Variants in HSPB2 observed in about 807,000 individuals in gnomAD.
HSPB2 encodes heat shock protein family B (small) member 2.
HSPB2 carries 14 observed loss-of-function variants against 14.1 expected under a neutral mutation model. The ratio of observed to expected loss-of-function variants is 0.99; its 90% CI spans 0.66 to 1.55. The LOEUF (loss-of-function observed/expected upper bound fraction) is 1.55. Among genes scored for constraint, HSPB2 ranks in the 40% most tolerant of loss-of-function variants. The probability of loss-of-function intolerance (pLI) is 0.00; values close to 1 mark genes in which losing one functional copy is unlikely to be tolerated. For synonymous variants in HSPB2, 110 were observed against 103.4 expected, an observed-to-expected ratio of 1.06 and a Z score of -0.39; for missense variants, 242 against 241.7, an observed-to-expected ratio of 1.00 and a Z score of -0.01.
chr11:111,913,489 A>G lies in HSPB2; in HGVS notation c.143A>G (p.Tyr48Cys), dbSNP rs782583689. The G allele has an allele frequency of 1.4e-5, 22 of 1,612,900 alleles. No homozygotes were observed. The highest frequency in any genetic ancestry group is 4.0e-5 in the African/African-American group (3 of 74,854). Residue 48 changes from tyrosine to cysteine, a missense_variant, in exon 2 of 2, where the codon TAT (tyrosine) becomes TGT (cysteine). Tyr to Cys is a radical substitution (Grantham distance 194). Transcript: ENST00000304298. ...ACCCCCACACTCTACCATGGCTACT[A>G]TGTCCGGCCTCGGGCCGCCCCAGCT... is the stretch of plus-strand genomic sequence containing the variant. ...ILTPTLYHGYYVRPRAAPAGE... is the reference protein window; with the variant it reads ...ILTPTLYHGYCVRPRAAPAGE...
In HSPB2 at chr11:111,913,748, T is replaced by A. The variant is rs143022702; in HGVS notation, c.402T>A (p.Ala134=). 63 of 1,614,034 alleles carry A rather than the reference T, an allele frequency of 3.9e-5. No individual in the cohort carries two copies. The highest frequency in any genetic ancestry group is 5.2e-5 in the Non-Finnish European group (61 of 1,180,046). The change falls in exon 2 of 2, where the codon GCT becomes GCA. Residue 134 remains alanine, a synonymous_variant. Transcript: ENST00000304298. ...PADVDPWRVR[A]ALSHDGILNL... ...ATGTCGACCCCTGGCGAGTCCGAGC[T>A]GCTCTCTCCCATGATGGCATCTTAA...
In HSPB2 at chr11:111,913,847, G is replaced by A. The variant is rs375687384; in HGVS notation, c.501G>A (p.Ala167=). 1.5e-5 allele frequency: 24 copies of A among 1,613,426 alleles called. No homozygotes were observed. Among genetic ancestry groups the A allele is most frequent in the Middle Eastern group, 3.3e-4 (2 of 6,082 alleles). Residue 167 remains alanine (A), a synonymous_variant, in exon 2 of 2, where the codon GCG becomes GCA. Coordinates refer to ENST00000304298, the MANE Select transcript of HSPB2 (RefSeq NM_001541.4). ...AGGTCTACATCTCCCTGCTCCCTGC[G>A]CCTCCTGATCCAGAGGAAGAGGAGG... ...VNEVYISLLP[A]PPDPEEEEEA... is the part of the protein sequence containing the mutation.
Position 111,912,887 on chromosome 11 carries a change from A to G in HSPB2, c.58A>G (p.Asn20Asp). The change falls in exon 1 of 2, where the codon AAC (asparagine) becomes GAC (aspartate). Residue 20 changes from asparagine to aspartate, a missense_variant. Asn to Asp is a conservative substitution (Grantham distance 23). Coordinates refer to ENST00000304298, the MANE Select transcript of HSPB2 (RefSeq NM_001541.4). The stretch of plus-strand genomic sequence containing the variant: ...GGCCACCGCCGAGTACGAATTTGCC[A>G]ACCCGAGCCGCCTGGGTGAGCAGCG... ...HPATAEYEFA[N>D]PSRLGEQRFG... The G allele has an allele frequency of 6.2e-7, 1 of 1,609,630 alleles. No homozygotes were observed. Among genetic ancestry groups the G allele is most frequent in the East Asian group, 2.2e-5 (1 of 44,748 alleles).
chr11:111,912,924 G>A lies in HSPB2; in HGVS notation c.94+1G>A. The A allele has an allele frequency of 1.3e-6, 2 of 1,597,334 alleles. No individual in the cohort carries two copies. Among genetic ancestry groups the A allele is most frequent in the East Asian group, 2.3e-5 (1 of 44,208 alleles). On this transcript the variant is annotated splice_donor_variant, in intron 1 of 1. Coordinates refer to ENST00000304298, the MANE Select transcript of HSPB2 (RefSeq NM_001541.4). LOFTEE classifies it high-confidence loss of function. ...CTGGGTGAGCAGCGCTTCGGAGAAG[G>A]TATGGCACAGACACCACCCCCTTGC...
In HSPB2 at chr11:111,913,339, C is replaced by T. The variant is rs568298059; in HGVS notation, c.95-102C>T. On this transcript the variant is annotated intron_variant, in intron 1 of 1. Transcript: ENST00000304298. ...CCCGTTCCCTACTCCTCCTGACTCC[C>T]CTCTTGCTCTTCCCAATCCCTCCTC... 384 of 890,432 alleles carry T rather than the reference C, an allele frequency of 4.3e-4. 4 individuals are homozygous for T. The South Asian group carries it at 5.7e-3, about 13-fold the overall frequency. The allele number at this position is 890,432 out of a possible 1,614,324, so 55.2% of individuals were successfully genotyped here.
At chr11:111,913,216 CCCT>C (rs1352323468) in intron 1 of HSPB2, 19 of 603,608 alleles carry the variant, frequency 3.1e-5, no homozygotes, top group East Asian at 8.3e-5. Context: ...CTCCTCCTCC[CCCT>C]CCTCCTCCTT....
chr11:111,912,868 C>T lies in HSPB2; in HGVS notation c.39C>T (p.Thr13=). The T allele has an allele frequency of 1.9e-6, 3 of 1,609,256 alleles. No individual in the cohort carries two copies. Among genetic ancestry groups the T allele is most frequent in the South Asian group, 1.1e-5 (1 of 89,916 alleles). Reference sequence around the variant, plus strand: ...CAGTGCCACATGCCCACCCGGCCACCGCCGAGTACGAATTTGCCAACCCGA... The same window carrying T: ...CAGTGCCACATGCCCACCCGGCCACTGCCGAGTACGAATTTGCCAACCCGA... ...GRSVPHAHPA[T]AEYEFANPSR... is the part of the protein sequence containing the mutation. The change falls in exon 1 of 2, where the codon ACC becomes ACT. Residue 13 remains threonine, a synonymous_variant. Transcript: ENST00000304298.
At position 111,912,802 on chromosome 11, in the gene HSPB2, G is replaced by C. The variant is rs782660329; in HGVS notation, c.-28G>C. The C allele has an allele frequency of 3.8e-6, 6 of 1,566,332 alleles. No individual in the cohort carries two copies. The African/African-American group carries it at 8.1e-5, about 21-fold the overall frequency. On this transcript the variant is annotated 5_prime_UTR_variant, in exon 1 of 2. Transcript: ENST00000304298. ...CTGCGCCTGTTGGGGCTGCACCTCG[G>C]ACCAGGGCTTCTGCTGCATCTGCAG...
At position 111,912,903 on chromosome 11, in the gene HSPB2, G is replaced by T. The variant is rs1555165770; in HGVS notation, c.74G>T (p.Gly25Val). ...EYEFANPSRL[G>V]EQRFGEGLLP... ...GAATTTGCCAACCCGAGCCGCCTGGGTGAGCAGCGCTTCGGAGAAGGTATG... is the reference window on the plus strand; with the variant it reads ...GAATTTGCCAACCCGAGCCGCCTGGTTGAGCAGCGCTTCGGAGAAGGTATG... Residue 25 changes from glycine to valine, a missense_variant, in exon 1 of 2, where the codon GGT (glycine) becomes GTT (valine). By Grantham distance (109) the Gly-to-Val change is moderately radical (BLOSUM62 -3). Coordinates refer to ENST00000304298, the MANE Select transcript of HSPB2 (RefSeq NM_001541.4). The T allele has an allele frequency of 1.2e-6, 2 of 1,607,820 alleles. No homozygotes were observed. The highest frequency in any genetic ancestry group is 1.7e-6 in the Non-Finnish European group (2 of 1,178,368).
chr11:111,913,973 TAGCA>T lies in HSPB2; in HGVS notation c.*79_*82del, dbSNP rs1965555709. On this transcript the variant is annotated 3_prime_UTR_variant, in exon 2 of 2. Coordinates refer to ENST00000304298, the MANE Select transcript of HSPB2 (RefSeq NM_001541.4). The stretch of plus-strand genomic sequence containing the variant: ...GGGCAGCTGCCCACCACTCCAGAGG[TAGCA>T]GCATCCTTGGGGGAAGGGAAAGGTG... The T allele has an allele frequency of 1.9e-5, 24 of 1,252,336 alleles. No individual in the cohort carries two copies. Among genetic ancestry groups the T allele is most frequent in the Non-Finnish European group, 2.4e-5 (22 of 903,668 alleles). The allele number at this position is 1,252,336 out of a possible 1,614,324, so 77.6% of individuals were successfully genotyped here.
chr11:111,913,158 G>T, intron 1 of HSPB2: 1 of 606,150 alleles, frequency 1.6e-6, no homozygotes, highest in Non-Finnish European at 3.0e-6. Flanking sequence ...GCCGGCCTGG[G>T]TGTGCCTCCT....
rs4252588 is a variant in HSPB2, at chr11:111,913,505, C to A, written c.159C>A (p.Ala53=). 1.2e-6 allele frequency: 2 copies of A among 1,613,846 alleles called. No homozygotes were observed. The highest frequency in any genetic ancestry group is 1.7e-6 in the Non-Finnish European group (2 of 1,179,998). Residue 53 remains alanine (A), a synonymous_variant, in exon 2 of 2, where the codon GCC becomes GCA. Coordinates refer to ENST00000304298, the MANE Select transcript of HSPB2 (RefSeq NM_001541.4). The stretch of plus-strand genomic sequence containing the variant: ...ATGGCTACTATGTCCGGCCTCGGGC[C>A]GCCCCAGCTGGGGAGGGCAGCAGGG... The part of the protein sequence containing the change: ...LYHGYYVRPR[A]APAGEGSRAG...
chr11:111,913,734 T>TG lies in HSPB2; in HGVS notation c.390dup (p.Arg131AlafsTer9). 2 of 1,614,054 alleles carry TG rather than the reference T, an allele frequency of 1.2e-6. No individual in the cohort carries two copies. Among genetic ancestry groups the TG allele is most frequent in the Non-Finnish European group, 1.7e-6 (2 of 1,180,004 alleles). Reference sequence around the variant, plus strand: ...TGTCCTGCCTGCTGATGTCGACCCCTGGCGAGTCCGAGCTGCTCTCTCCCA... The same window carrying TG: ...TGTCCTGCCTGCTGATGTCGACCCCTGGGCGAGTCCGAGCTGCTCTCTCCCA... On this transcript the variant is annotated frameshift_variant, in exon 2 of 2. Transcript: ENST00000304298. LOFTEE classifies it high-confidence loss of function.
chr11:111,913,909 A>G lies in HSPB2; in HGVS notation c.*14A>G. On this transcript the variant is annotated 3_prime_UTR_variant, in exon 2 of 2. Transcript: ENST00000304298. Reference sequence around the variant, plus strand: ...GTTGAGCCCTGATTGCCACAGACCCAGCACCCAGCAAATCCCTCTCTACCT... The same window carrying G: ...GTTGAGCCCTGATTGCCACAGACCCGGCACCCAGCAAATCCCTCTCTACCT... 6.3e-7 allele frequency: 1 copy of G among 1,585,278 alleles called. No homozygotes were observed. Among genetic ancestry groups the G allele is most frequent in the Middle Eastern group, 1.7e-4 (1 of 5,912 alleles).
rs781975640 is a variant in HSPB2 at position 111,913,647 on chromosome 11, G to A, written c.301G>A (p.Ala101Thr). ...RTVDNLLEVSARHPQRLDRHG... is the reference protein window; with the variant it reads ...RTVDNLLEVSTRHPQRLDRHG... ...TGTGGATAACCTGCTGGAGGTGTCT[G>A]CCCGGCACCCCCAGCGCCTGGACCG... Residue 101 changes from alanine to threonine, a missense_variant, in exon 2 of 2, where the codon GCC becomes ACC. Coordinates refer to ENST00000304298, the MANE Select transcript of HSPB2 (RefSeq NM_001541.4). 2.2e-5 allele frequency: 36 copies of A among 1,614,010 alleles called. 1 individual carries two copies. The highest frequency in any genetic ancestry group is 5.0e-5 in the Admixed American group (3 of 60,002).
chr11:111,913,901 ACAGACC>A lies in HSPB2; in HGVS notation c.*10_*15del, dbSNP rs782147766. On this transcript the variant is annotated 3_prime_UTR_variant, in exon 2 of 2. Transcript: ENST00000304298. Reference sequence around the variant, plus strand: ...CAGCCATAGTTGAGCCCTGATTGCCACAGACCCAGCACCCAGCAAATCCCTCTCTAC... The same window carrying A: ...CAGCCATAGTTGAGCCCTGATTGCCACAGCACCCAGCAAATCCCTCTCTAC... The A allele has an allele frequency of 2.5e-6, 4 of 1,597,846 alleles. No individual in the cohort carries two copies. Among genetic ancestry groups the A allele is most frequent in the Non-Finnish European group, 3.4e-6 (4 of 1,171,996 alleles).
chr11:111,913,421 G>A lies in HSPB2; in HGVS notation c.95-20G>A. ...CTCATCCTCCCTCATCCTGCCTCTT[G>A]CCTTCTCTCTGCCCTTTAGGCCTCC... On this transcript the variant is annotated intron_variant, in intron 1 of 1. Coordinates refer to ENST00000304298, the MANE Select transcript of HSPB2 (RefSeq NM_001541.4). 1 of 1,576,554 alleles carries A rather than the reference G, an allele frequency of 6.3e-7. No individual in the cohort carries two copies.
rs1965518775 is a variant in HSPB2 at position 111,913,003 on chromosome 11, C to T, written c.94+80C>T. The T allele has an allele frequency of 2.9e-6, 3 of 1,028,708 alleles. No individual in the cohort carries two copies. The South Asian group carries it at 4.2e-5, about 15-fold the overall frequency. The allele number at this position is 1,028,708 out of a possible 1,614,324, so 63.7% of individuals were successfully genotyped here. A position where few individuals can be genotyped will look rare whatever the true frequency, so the allele number is the denominator to read the frequency against. On this transcript the variant is annotated intron_variant, in intron 1 of 1. Transcript: ENST00000304298. The stretch of plus-strand genomic sequence containing the variant: ...GCTGACCTCCCAACGTTGCTGGCCT[C>T]CACCCCACTCTGGGCTTAACTGATC...
In HSPB2 at chr11:111,913,855, A is replaced by T; in HGVS notation, c.509A>T (p.Asp170Val). 1 of 1,613,124 alleles carries T rather than the reference A, an allele frequency of 6.2e-7. No homozygotes were observed. The highest frequency in any genetic ancestry group is 8.5e-7 in the Non-Finnish European group (1 of 1,179,580). The change falls in exon 2 of 2, where the codon GAT (aspartate) becomes GTT (valine). Residue 170 changes from aspartate (D) to valine (V), a missense_variant. Transcript: ENST00000304298. Reference sequence around the variant, plus strand: ...ATCTCCCTGCTCCCTGCGCCTCCTGATCCAGAGGAAGAGGAGGAGGCAGCC... The same window carrying T: ...ATCTCCCTGCTCCCTGCGCCTCCTGTTCCAGAGGAAGAGGAGGAGGCAGCC... Reference protein sequence around the residue: ...VYISLLPAPPDPEEEEEAAIV... With the variant: ...VYISLLPAPPVPEEEEEAAIV...
Sources: gnomAD v4.1 joint callset for allele counts on GRCh38, gnomAD v4.1.1 for gene constraint, MANE v1.5 for transcripts, NCBI Gene and HGNC (gene_info 2026-07-23, HGNC 2026-07-21) for gene names.